Variants in MYOM1 observed in about 807,000 individuals in gnomAD.
MYOM1 encodes the protein myomesin 1.
Under a neutral mutation model 205.3 loss-of-function variants are expected in MYOM1, and 164 were observed. The ratio of observed to expected loss-of-function variants is 0.80; its 90% CI spans 0.70 to 0.91. The LOEUF (loss-of-function observed/expected upper bound fraction) is 0.91. Among genes scored for constraint, MYOM1 ranks in the 40% least tolerant of loss-of-function variants. MYOM1 has a pLI of 0.00. For synonymous variants in MYOM1, 772 were observed against 789.4 expected (o/e 0.98, Z 0.37); for missense variants, 2,011 against 2,127.3 (o/e 0.95, Z 1.08).
chr18:3,072,972 C>CTTTTTT (rs1290773371), intron 36 of MYOM1, among the ~76,000 whole-genome samples: 2 of 91,808 alleles, frequency 2.2e-5, no homozygotes. Flanking sequence ...CAGATGTAAG[C>CTTTTTT]ATTTTTTTTT....
chr18:3,091,235 G>C (rs1274326923), intron 26 of MYOM1, among the ~76,000 whole-genome samples: 1 of 152,012 alleles, frequency 6.6e-6, no homozygotes, highest in Admixed American at 6.5e-5. Flanking sequence ...AGAATTGCTT[G>C]AACCTAGGAG....
chr18:3,146,991 TTAAAA>T (rs2080132123), intron 13 of MYOM1, among the ~76,000 whole-genome samples: 1 of 148,108 alleles, frequency 6.8e-6, no homozygotes, highest in Non-Finnish European at 1.5e-5. Flanking sequence ...TAAAAACAAA[TTAAAA>T]TAAAAAACAA....
At chr18:3,127,338 TGC>T (rs1567920915) in intron 18 of MYOM1, among the ~76,000 whole-genome samples, 113 of 123,320 alleles carry the variant, frequency 9.2e-4, no homozygotes, top group African/African-American at 1.8e-3. Flanking sequence ...GCTGGGGTTT[TGC>T]TCTTGTCACC....
At chr18:3,123,777 T>G (rs1459713067) in intron 19 of MYOM1, among the ~76,000 whole-genome samples, 1 of 151,602 alleles carries the variant, frequency 6.6e-6, no homozygotes, top group Non-Finnish European at 1.5e-5. Flanking sequence ...CAGGAGAAGC[T>G]GATCTATCAG....
At chr18:3,202,554 A>T (rs1268217004) in intron 2 of MYOM1, among the ~76,000 whole-genome samples, 6 of 152,224 alleles carry the variant, frequency 3.9e-5, no homozygotes, top group Non-Finnish European at 8.8e-5. Context: ...ATCAAGAAAT[A>T]TTATTAGAGA....
chr18:3,201,601 CTT>C (rs1396370285), intron 2 of MYOM1, among the ~76,000 whole-genome samples: 2 of 150,760 alleles, frequency 1.3e-5, no homozygotes, highest in Admixed American at 6.6e-5. Flanking sequence ...CGTATATAAG[CTT>C]ATACACATAT....
chr18:3,079,725 T>A (rs561540403), intron 33 of MYOM1, among the ~76,000 whole-genome samples: 1 of 152,186 alleles, frequency 6.6e-6, no homozygotes, highest in Non-Finnish European at 1.5e-5. Context: ...TTCATCTAGA[T>A]AATCTATGGC....
At chr18:3,088,293 A>C (rs1362973326) in intron 29 of MYOM1, among the ~76,000 whole-genome samples, 3 of 152,208 alleles carry the variant, frequency 2.0e-5, no homozygotes, top group Non-Finnish European at 4.4e-5. Flanking sequence ...GTGGGACAGC[A>C]AGACGGAGCA....
At chr18:3,147,088 T>C (rs1430954069) in intron 13 of MYOM1, among the ~76,000 whole-genome samples, 1 of 144,372 alleles carries the variant, frequency 6.9e-6, no homozygotes, top group African/African-American at 2.6e-5. Context: ...ATAAATATTA[T>C]ACATTATAGA....
intron 2 of MYOM1, among the ~76,000 whole-genome samples, chr18:3,201,749 TC>T (rs1192119521): frequency 1.3e-5 from 2 of 151,436 alleles, no homozygotes; most frequent in Non-Finnish European, 2.9e-5. Context: ...GCTCAAGCCA[TC>T]CTCCCACCTC....
intron 25 of MYOM1, among the ~76,000 whole-genome samples, chr18:3,099,082 G>A (rs1242689040): frequency 6.6e-6 from 1 of 152,172 alleles, no homozygotes; most frequent in Non-Finnish European, 1.5e-5. Context: ...GCCTCCCAAA[G>A]TGCTGGGAGT....
At chr18:3,192,705 C>T (rs1330490884) in intron 3 of MYOM1, among the ~76,000 whole-genome samples, 2 of 152,144 alleles carry the variant, frequency 1.3e-5, no homozygotes, top group African/African-American at 4.8e-5. Context: ...GTGTCCAGGA[C>T]AAGTTTCCTT....
the MYOM1 span, among the ~76,000 whole-genome samples, chr18:3,231,613 C>T: frequency 2.0e-5 from 3 of 147,054 alleles, no homozygotes; most frequent in East Asian, 4.0e-4. Flanking sequence ...GATCTTGGCT[C>T]GCTACAACCT....
At chr18:3,113,006 G>C (rs2079549475) in intron 21 of MYOM1, among the ~76,000 whole-genome samples, 1 of 152,040 alleles carries the variant, frequency 6.6e-6, no homozygotes, top group Non-Finnish European at 1.5e-5. Context: ...TTGTGAGTTT[G>C]AATAATTTGT....
intron 3 of MYOM1, among the ~76,000 whole-genome samples, chr18:3,193,361 T>TACATATACATATATATATATACACACAC (rs1598758731): frequency 1.5e-5 from 2 of 135,882 alleles, no homozygotes; most frequent in African/African-American, 6.0e-5. Flanking sequence ...TATATATATA[T>TACATATACATATATATATATACACACAC]ACACACACAC....
chr18:3,200,415 G>A (rs2081050930), intron 2 of MYOM1, among the ~76,000 whole-genome samples: 1 of 152,176 alleles, frequency 6.6e-6, no homozygotes. Flanking sequence ...GTTGGGTTTA[G>A]CAGACAAAGA....
chr18:3,168,491 G>A (rs1412238475), intron 9 of MYOM1, among the ~76,000 whole-genome samples: 1 of 152,128 alleles, frequency 6.6e-6, no homozygotes, highest in Non-Finnish European at 1.5e-5. Flanking sequence ...GTTTCGTCAT[G>A]TTGGCCAGTC....
chr18:3,138,467 T>C (rs1357130423), intron 14 of MYOM1, among the ~76,000 whole-genome samples: 2 of 152,326 alleles, frequency 1.3e-5, no homozygotes, highest in East Asian at 3.9e-4. Flanking sequence ...GCCACACGCA[T>C]GCTCTTGGCC....
chr18:3,133,322 C>T (rs923959818), intron 16 of MYOM1, among the ~76,000 whole-genome samples: 2 of 152,086 alleles, frequency 1.3e-5, no homozygotes, highest in African/African-American at 2.4e-5. Context: ...CAGAAGCTGC[C>T]GAACGAGTCT....
Sources: gnomAD v4.1 joint callset for allele counts (sites outside exome capture counted in the v4.1 genomes callset) on GRCh38, gnomAD v4.1.1 for gene constraint, MANE v1.5 for transcripts, NCBI Gene and HGNC (gene_info 2026-07-23, HGNC 2026-07-21) for gene names.